PRORP: variants seen among roughly 807,000 people sequenced by gnomAD.
The protein encoded by PRORP is mitochondrial ribonuclease P catalytic subunit.
PRORP carries 51 observed loss-of-function variants against 59.4 expected under a neutral mutation model. That is an observed-to-expected ratio of 0.86 (90% CI 0.69 to 1.08). The LOEUF (loss-of-function observed/expected upper bound fraction) is 1.08. PRORP is among the 50% of genes least tolerant of loss of function. The pLI is 0.00. For synonymous variants in PRORP, 231 were observed against 245.6 expected (o/e 0.94, Z 0.55); for missense variants, 646 against 690.3 (o/e 0.94, Z 0.72).
chr14:35,157,761 A>G (rs374818736), intron 4 of PRORP: 2 of 152,754 alleles, frequency 1.3e-5, no homozygotes, highest in African/African-American at 4.8e-5. Flanking sequence ...AAGAACAACA[A>G]CAAAATAATT....
chr14:35,126,826 G>A (rs772763945), intron 3 of PRORP, 44 bp downstream of exon 3: 4 of 1,460,998 alleles, frequency 2.7e-6, no homozygotes, highest in Non-Finnish European at 3.8e-6. Context: ...TTTTGGTTTA[G>A]TAGGTTTTGT....
At chr14:35,239,878 C>T (rs1357862785) in intron 5 of PRORP, among the ~76,000 whole-genome samples, 9 of 152,138 alleles carry the variant, frequency 5.9e-5, no homozygotes, top group Admixed American at 5.9e-4. Flanking sequence ...AGTTTGAGAC[C>T]AGCCTGGCCA....
intron 5 of PRORP, among the ~76,000 whole-genome samples, chr14:35,181,396 A>G (rs2048602270): frequency 6.6e-6 from 1 of 152,174 alleles, no homozygotes; most frequent in Non-Finnish European, 1.5e-5. Context: ...ATAACATCAA[A>G]ATTAGATTGT....
In PRORP at chr14:35,124,071, G is replaced by T. The variant is rs376742944; in HGVS notation, c.826G>T (p.Val276Phe). The T allele has an allele frequency of 5.9e-5, 96 of 1,613,688 alleles. No homozygotes were observed. The highest frequency in any genetic ancestry group is 1.1e-4 in the South Asian group (10 of 91,052). The change falls in exon 2 of 8, where the codon GTT (valine) becomes TTT (phenylalanine). Residue 276 changes from valine to phenylalanine, a missense_variant. Coordinates refer to ENST00000534898, the MANE Select transcript of PRORP (RefSeq NM_014672.4). ...LYQELLGHDI[V>F]PMLETLKAFF... ...TCAGGAATTGCTAGGTCATGATATT[G>T]TTCCTATGTTGGAAACTTTAAAAGC...
At chr14:35,127,043 T>G (rs947599456) in intron 3 of PRORP, among the ~76,000 whole-genome samples, 2 of 152,224 alleles carry the variant, frequency 1.3e-5, no homozygotes, top group Non-Finnish European at 2.9e-5. Flanking sequence ...TTTTAGGATT[T>G]ATTTATTTAT....
chr14:35,247,802 G>A (rs2050519357), intron 5 of PRORP, among the ~76,000 whole-genome samples: 1 of 152,098 alleles, frequency 6.6e-6, no homozygotes, highest in African/African-American at 2.4e-5. Context: ...AGGATAGGGA[G>A]GAAACACAGA....
In PRORP at chr14:35,128,576, T is replaced by C. The variant is rs371523467; in HGVS notation, c.1167+965T>C. Among the ~76,000 whole-genome samples the C allele has an allele frequency of 2.0e-4, 31 of 152,236 alleles. No homozygotes were observed. The South Asian group carries it at 6.2e-3, about 31-fold the overall frequency. ...TGGTTCAGTCTTAATATATTGAATC[T>C]GTCTAGGAATTTGGCCATTTCCTGT... On this transcript the variant is annotated intron_variant, in intron 4 of 7. Coordinates refer to ENST00000534898, the MANE Select transcript of PRORP (RefSeq NM_014672.4).
At chr14:35,143,213 C>T (rs1214615643) in intron 4 of PRORP, among the ~76,000 whole-genome samples, 8 of 145,462 alleles carry the variant, frequency 5.5e-5, no homozygotes, top group African/African-American at 1.5e-4. Flanking sequence ...AGTGCAGTGG[C>T]GCAATCGCTG....
chr14:35,264,120 C>A (rs149913202), intron 5 of PRORP, among the ~76,000 whole-genome samples: 1 of 151,478 alleles, frequency 6.6e-6, no homozygotes, highest in Non-Finnish European at 1.5e-5. Context: ...TTTATTTATT[C>A]ATTCATTCAT....
intron 4 of PRORP, among the ~76,000 whole-genome samples, chr14:35,176,457 A>G (rs537500239): frequency 6.4e-4 from 97 of 152,274 alleles, no homozygotes; most frequent in African/African-American, 2.3e-3. Flanking sequence ...GGTCCTTCAC[A>G]TCCCTTGTAA....
chr14:35,240,641 T>C (rs2138541313), intron 5 of PRORP, among the ~76,000 whole-genome samples: 1 of 152,340 alleles, frequency 6.6e-6, no homozygotes, highest in East Asian at 1.9e-4. Context: ...GTTTTCTGGC[T>C]ATTAGATTGT....
At position 35,273,785 on chromosome 14, in the gene PRORP, T is replaced by C. The variant is rs2051256520; in HGVS notation, c.*219T>C. 2.8e-6 allele frequency: 1 copy of C among 351,328 alleles called. No homozygotes were observed. The allele number at this position is 351,328 out of a possible 1,614,324, so 21.8% of individuals were successfully genotyped here. A position where few individuals can be genotyped will look rare whatever the true frequency, so the allele number is the denominator to read the frequency against. On this transcript the variant is annotated 3_prime_UTR_variant, in exon 8 of 8. Transcript: ENST00000534898. ...TTTGTTTTTGGAGGCTTATCAAGAG[T>C]TGGAGAACTTAGTGTAGAGCAAAAC...
At position 35,148,580 on chromosome 14, in the gene PRORP, G is replaced by A. The variant is rs144786944; in HGVS notation, c.1167+20969G>A. 7.2e-4 allele frequency among the ~76,000 whole-genome samples: 110 copies of A among 152,244 alleles called. 1 individual carries two copies. The highest frequency in any genetic ancestry group is 2.6e-3 in the African/African-American group (107 of 41,540). ...CTCTAAGATTTTTGGAATGGTAAACGGGCATTGACTTCAATAAAGTCACCA... is the reference window on the plus strand; with the variant it reads ...CTCTAAGATTTTTGGAATGGTAAACAGGCATTGACTTCAATAAAGTCACCA... On this transcript the variant is annotated intron_variant, in intron 4 of 7. Transcript: ENST00000534898.
chr14:35,235,029 A>G (rs1341305084), intron 5 of PRORP, among the ~76,000 whole-genome samples: 1 of 152,164 alleles, frequency 6.6e-6, no homozygotes, highest in East Asian at 1.9e-4. Context: ...CCTGCAACTT[A>G]AGATACATCT....
chr14:35,147,444 A>G (rs926672220), intron 4 of PRORP, among the ~76,000 whole-genome samples: 1 of 152,274 alleles, frequency 6.6e-6, no homozygotes, highest in East Asian at 1.9e-4. Context: ...TCAGGCTCAC[A>G]TGATCCTCCC....
At position 35,257,365 on chromosome 14, in the gene PRORP, C is replaced by T. The variant is rs577666344; in HGVS notation, c.1276-9362C>T. 3.3e-5 allele frequency among the ~76,000 whole-genome samples: 5 copies of T among 152,258 alleles called. No individual in the cohort carries two copies. The East Asian group carries it at 9.6e-4, about 29-fold the overall frequency. ...CGTTAAACAATAGCTCCTCATTCTC[C>T]TCTCCCTGCTGCCCTGACAACCACC... On this transcript the variant is annotated intron_variant, in intron 5 of 7. Coordinates refer to ENST00000534898, the MANE Select transcript of PRORP (RefSeq NM_014672.4).
At chr14:35,180,526 C>CTGTGTGTGTGTGTGTGTGTG (rs3058430) in intron 4 of PRORP, 144 bp from the exon 5 acceptor site, 6,286 of 537,130 alleles carry the variant, frequency 0.012, 47 homozygotes, top group South Asian at 0.016. Context: ...TGTAGAGTAT[C>CTGTGTGTGTGTGTGTGTGTG]TGTGTGTGTG....
intron 5 of PRORP, among the ~76,000 whole-genome samples, chr14:35,242,829 G>A (rs1259075491): frequency 1.3e-5 from 2 of 152,186 alleles, no homozygotes; most frequent in Non-Finnish European, 2.9e-5. Flanking sequence ...ATTATTTGCA[G>A]AGTGCTCTTA....
chr14:35,190,175 G>C (rs539691921), intron 5 of PRORP, among the ~76,000 whole-genome samples: 5 of 151,430 alleles, frequency 3.3e-5, no homozygotes, highest in African/African-American at 1.2e-4. Flanking sequence ...GAGGTGAGTG[G>C]ATCATCTGAG....
Sources: allele counts gnomAD v4.1 joint callset (sites outside exome capture counted in the v4.1 genomes callset), GRCh38; gene constraint gnomAD v4.1.1; transcripts MANE v1.5; gene names NCBI Gene and HGNC (gene_info 2026-07-23, HGNC 2026-07-21).